NXPE4: variants seen among roughly 807,000 people sequenced by gnomAD.
NXPE4 encodes NXPE family member 4.
NXPE4 carries 42 observed loss-of-function variants against 33.3 expected under a neutral mutation model. The ratio of observed to expected loss-of-function variants is 1.26; its 90% CI spans 0.98 to 1.63. NXPE4 has a LOEUF of 1.63. Ranked by LOEUF, NXPE4 falls within the 40% of genes most tolerant of loss-of-function variation. The pLI, the probability that NXPE4 is intolerant of heterozygous loss-of-function variation, is 0.00. For missense variants in NXPE4, 709 were observed against 647.6 expected (o/e 1.09, Z -1.03); for synonymous variants, 253 against 234.9 (o/e 1.08, Z -0.71).
the NXPE4 span, among the ~76,000 whole-genome samples, chr11:114,650,576 A>G: frequency 6.6e-6 from 1 of 151,144 alleles, no homozygotes; most frequent in Admixed American, 6.6e-5. Context: ...GAAGTGAGAA[A>G]AAATCTACAC....
At chr11:114,630,546 G>T in the NXPE4 span, among the ~76,000 whole-genome samples, 1 of 151,518 alleles carries the variant, frequency 6.6e-6, no homozygotes, top group Non-Finnish European at 1.5e-5. Context: ...AGACTTAAAC[G>T]TTAGACCTAA....
intron 2 of NXPE4, chr11:114,584,706 C>T (rs1291689848): frequency 6.5e-6 from 1 of 153,178 alleles, no homozygotes; most frequent in Non-Finnish European, 1.5e-5. Flanking sequence ...GAGGGAACCT[C>T]CCCTGCTCTG....
the NXPE4 span, among the ~76,000 whole-genome samples, chr11:114,631,255 A>T: frequency 6.6e-6 from 1 of 151,856 alleles, no homozygotes; most frequent in South Asian, 2.1e-4. Context: ...TCACAATAGC[A>T]AAGACTTGGA....
the NXPE4 span, among the ~76,000 whole-genome samples, chr11:114,667,015 G>A: frequency 6.6e-6 from 1 of 151,956 alleles, no homozygotes; most frequent in Non-Finnish European, 1.5e-5. Context: ...AACATCTAAC[G>A]TCCTCACTTT....
chr11:114,660,779 C>T, the NXPE4 span, among the ~76,000 whole-genome samples: 15 of 152,044 alleles, frequency 9.9e-5, no homozygotes, highest in Admixed American at 2.0e-4. Context: ...AAAAGGCATA[C>T]CATTTGGATA....
At chr11:114,665,451 T>C in the NXPE4 span, among the ~76,000 whole-genome samples, 1 of 152,152 alleles carries the variant, frequency 6.6e-6, no homozygotes, top group Non-Finnish European at 1.5e-5. Flanking sequence ...GTGAAAACCA[T>C]CCATATGCCA....
At chr11:114,601,882 AATT>A in the NXPE4 span, among the ~76,000 whole-genome samples, 1 of 1,278 alleles carries the variant, frequency 7.8e-4, no homozygotes, top group East Asian at 0.029. Flanking sequence ...TATTATATAT[AATT>A]ATATATTATA....
At chr11:114,670,690 T>C in the NXPE4 span, among the ~76,000 whole-genome samples, 1 of 152,082 alleles carries the variant, frequency 6.6e-6, no homozygotes, top group African/African-American at 2.4e-5. Flanking sequence ...AGACTGTGTC[T>C]CTATAAATAA....
At chr11:114,660,146 T>A in the NXPE4 span, among the ~76,000 whole-genome samples, 74,336 of 151,770 alleles carry the variant, frequency 0.49, 19,601 homozygotes, top group East Asian at 0.79. Flanking sequence ...ACATTCCTAA[T>A]GAAAAATCTG....
At chr11:114,640,093 A>T in the NXPE4 span, among the ~76,000 whole-genome samples, 1 of 124,010 alleles carries the variant, frequency 8.1e-6, no homozygotes, top group African/African-American at 3.2e-5. Flanking sequence ...AATGTAATAT[A>T]ATATATGATT....
chr11:114,677,735 A>G, the NXPE4 span, among the ~76,000 whole-genome samples: 4 of 152,048 alleles, frequency 2.6e-5, no homozygotes, highest in Non-Finnish European at 4.4e-5. Context: ...TGAAGTATAC[A>G]CATGTATATA....
chr11:114,581,660 G>T (rs1949148978), intron 4 of NXPE4, 65 bp downstream of exon 4: 2 of 1,305,818 alleles, frequency 1.5e-6, no homozygotes, highest in South Asian at 2.5e-5. Flanking sequence ...AAATCCAGTA[G>T]AAAGAAGAAA....
chr11:114,622,757 G>A, the NXPE4 span, among the ~76,000 whole-genome samples: 17 of 151,626 alleles, frequency 1.1e-4, no homozygotes, highest in Non-Finnish European at 1.6e-4. Flanking sequence ...CAGCGGATAA[G>A]TGTTGCCTCA....
the NXPE4 span, among the ~76,000 whole-genome samples, chr11:114,649,413 G>GA: frequency 6.6e-6 from 1 of 152,162 alleles, no homozygotes; most frequent in Non-Finnish European, 1.5e-5. Flanking sequence ...GAAAAGGAAT[G>GA]AACTACTAGT....
At chr11:114,656,257 C>T in the NXPE4 span, among the ~76,000 whole-genome samples, 2 of 152,130 alleles carry the variant, frequency 1.3e-5, no homozygotes, top group South Asian at 4.2e-4. Flanking sequence ...GAACTACAAG[C>T]CACTACTCAA....
the NXPE4 span, among the ~76,000 whole-genome samples, chr11:114,639,830 A>G: frequency 2.5e-4 from 22 of 87,124 alleles, no homozygotes; most frequent in African/African-American, 7.1e-4. Flanking sequence ...TATAATATAT[A>G]TTATATTAAA....
chr11:114,613,806 G>A, the NXPE4 span, among the ~76,000 whole-genome samples: 10 of 151,824 alleles, frequency 6.6e-5, no homozygotes, highest in South Asian at 4.1e-4. Context: ...TGGATAATAC[G>A]TCTTGCCTCA....
chr11:114,647,935 C>T, the NXPE4 span, among the ~76,000 whole-genome samples: 1 of 152,104 alleles, frequency 6.6e-6, no homozygotes, highest in East Asian at 1.9e-4. Flanking sequence ...CTCCTGACCT[C>T]GTGATCCACC....
the NXPE4 span, among the ~76,000 whole-genome samples, chr11:114,619,877 C>T: frequency 1.3e-5 from 2 of 152,058 alleles, no homozygotes; most frequent in South Asian, 2.1e-4. Context: ...AGTGTTGCCT[C>T]GTGGGTAAGA....
Sources: gnomAD v4.1 joint callset for allele counts (sites outside exome capture counted in the v4.1 genomes callset) on GRCh38, gnomAD v4.1.1 for gene constraint, MANE v1.5 for transcripts, NCBI Gene and HGNC (gene_info 2026-07-23, HGNC 2026-07-21) for gene names.